Variants in MAN1B1 observed in about 807,000 individuals in gnomAD.
MAN1B1 encodes the protein mannosidase alpha class 1B member 1.
In MAN1B1, 66 loss-of-function variants were observed where a neutral mutation model predicts 75.5. The observed-to-expected ratio is 0.87, with a 90% CI of 0.72 to 1.07. The LOEUF (loss-of-function observed/expected upper bound fraction) is 1.07. Ranked by LOEUF, MAN1B1 falls within the 50% of genes least tolerant of loss-of-function variation. The probability of loss-of-function intolerance (pLI) is 0.00; values close to 1 mark genes in which losing one functional copy is unlikely to be tolerated. For missense variants in MAN1B1, 973 were observed against 912.5 expected (o/e 1.07, Z -0.85); for synonymous variants, 453 against 382.8 (o/e 1.18, Z -2.14).
intron 3 of MAN1B1, chr9:137,094,376 G>A (rs551285145): frequency 1.0e-4 from 50 of 496,398 alleles, no homozygotes; most frequent in Non-Finnish European, 1.7e-4. Context: ...AGTTTGTTCC[G>A]ACCTTCCACT....
rs540947007 is a variant in MAN1B1, at chr9:137,097,989, T to A, written c.730+52T>A. 5 of 1,389,648 alleles carry A rather than the reference T, an allele frequency of 3.6e-6. No homozygotes were observed. In the African/African-American group the frequency reaches 7.1e-5, roughly 20 times the overall value. The allele number at this position is 1,389,648 out of a possible 1,614,324, so 86.1% of individuals were successfully genotyped here. On this transcript the variant is annotated intron_variant, in intron 5 of 12. Transcript: ENST00000371589. The stretch of plus-strand genomic sequence containing the variant: ...CCCCGGGCGCTCAGGGGCTGGTGGC[T>A]GATGGGTGCAGGCTTCGTCTCAGCC...
In MAN1B1 at chr9:137,108,972, C is replaced by T. The variant is rs538314755; in HGVS notation, c.*381C>T. On this transcript the variant is annotated 3_prime_UTR_variant, in exon 13 of 13. Transcript: ENST00000371589. ...AGCTCTGCCCGGGCTCGTGAAGCCTCAGATGTCCCCAATCCAAGGGTCTGG... is the reference window on the plus strand; with the variant it reads ...AGCTCTGCCCGGGCTCGTGAAGCCTTAGATGTCCCCAATCCAAGGGTCTGG... 1 of 469,496 alleles carries T rather than the reference C, an allele frequency of 2.1e-6. No homozygotes were observed. The highest frequency in any genetic ancestry group is 4.2e-6 in the Non-Finnish European group (1 of 235,950). 29.1% of individuals were successfully genotyped at this position (469,496 alleles called of 1,614,324 possible). A position where few individuals can be genotyped will look rare whatever the true frequency, so the allele number is the denominator to read the frequency against.
chr9:137,090,242 G>T (rs1191590200), intron 3 of MAN1B1, among the ~76,000 whole-genome samples: 3 of 152,182 alleles, frequency 2.0e-5, no homozygotes, highest in South Asian at 2.1e-4. Context: ...GGCCCTTAGG[G>T]TGTTAGTTAC....
Position 137,087,022 on chromosome 9 carries a change from GA to G in MAN1B1, c.25del (p.Ser9AlafsTer12), listed in dbSNP as rs1830382481. 4 of 1,601,162 alleles carry G rather than the reference GA, an allele frequency of 2.5e-6. No individual in the cohort carries two copies. Among genetic ancestry groups the G allele is most frequent in the Non-Finnish European group, 3.4e-6 (4 of 1,175,684 alleles). ...GCGATGGCTGCCTGCGAGGGCAGGA[GA>G]AGCGGAGCTCTCGGTTCCTCTCAGT... MAACEGR[R>X]SGALGSSQSD... On this transcript the variant is annotated frameshift_variant, in exon 1 of 13. Transcript: ENST00000371589. LOFTEE classifies it high-confidence loss of function.
At chr9:137,098,912 G>C (rs757928100) in intron 5 of MAN1B1, among the ~76,000 whole-genome samples, 7 of 152,096 alleles carry the variant, frequency 4.6e-5, no homozygotes, top group East Asian at 1.9e-4. Flanking sequence ...TCACTGCAAC[G>C]TCTGCCTTCT....
chr9:137,089,001 C>T lies in MAN1B1; in HGVS notation c.461C>T (p.Ser154Leu), dbSNP rs1356921253. ...TDPENLPEIS[S>L]QKTQRHIQRG... ...CCTGAGAACTTACCTGAGATTTCGT[C>T]ACAGGTACTTTGAGCAAATGGTGTG... The change falls in exon 3 of 13, where the codon TCA (serine) becomes TTA (leucine). Residue 154 changes from serine to leucine, a missense_variant. Transcript: ENST00000371589. 6.2e-7 allele frequency: 1 copy of T among 1,613,872 alleles called. No individual in the cohort carries two copies. The highest frequency in any genetic ancestry group is 8.5e-7 in the Non-Finnish European group (1 of 1,180,010).
intron 8 of MAN1B1, 48 bp from the exon 9 acceptor site, chr9:137,106,077 G>A (rs1468576941): frequency 1.1e-5 from 17 of 1,494,934 alleles, no homozygotes; most frequent in Non-Finnish European, 1.5e-5. Flanking sequence ...AGCTCACCCT[G>A]CAGCTCGGCC....
At position 137,109,071 on chromosome 9, in the gene MAN1B1, C is replaced by T. The variant is rs1457365215; in HGVS notation, c.*480C>T. 2 of 454,622 alleles carry T rather than the reference C, an allele frequency of 4.4e-6. No homozygotes were observed. Among genetic ancestry groups the T allele is most frequent in the Non-Finnish European group, 8.8e-6 (2 of 226,428 alleles). 28.2% of individuals were successfully genotyped at this position (454,622 alleles called of 1,614,324 possible). ...TGTTTACAAGCTGGACTCAGGGATC[C>T]TCCTGGCCGCCCCGCAGGGGGCTTG... On this transcript the variant is annotated 3_prime_UTR_variant, in exon 13 of 13. Transcript: ENST00000371589.
chr9:137,102,194 GTGTTACACGT>G, intron 8 of MAN1B1: 1 of 441,402 alleles, frequency 2.3e-6, no homozygotes, highest in Non-Finnish European at 4.5e-6. Context: ...CAGGTCGGTG[GTGTTACACGT>G]GCTGTTGCAG....
chr9:137,087,089 C>G lies in MAN1B1; in HGVS notation c.90C>G (p.Ala30=), dbSNP rs1588577872. Residue 30 remains alanine (A), a synonymous_variant, in exon 1 of 13, where the codon GCC becomes GCG. Transcript: ENST00000371589. The part of the protein sequence containing the change: ...LTPPVGGAPW[A]VATTVVMYPP... ...CGCCAGTGGGCGGGGCCCCTTGGGCCGTCGCCACCACTGTAGTCATGTACC... is the reference window on the plus strand; with the variant it reads ...CGCCAGTGGGCGGGGCCCCTTGGGCGGTCGCCACCACTGTAGTCATGTACC... 2 of 1,599,338 alleles carry G rather than the reference C, an allele frequency of 1.3e-6. No homozygotes were observed. Among genetic ancestry groups the G allele is most frequent in the Non-Finnish European group, 8.5e-7 (1 of 1,174,928 alleles).
In MAN1B1 at chr9:137,095,389, G is replaced by A. The variant is rs190712223; in HGVS notation, c.466-848G>A. 7.6e-3 allele frequency among the ~76,000 whole-genome samples: 1,154 copies of A among 151,902 alleles called. 8 individuals carry two copies. Among genetic ancestry groups the A allele is most frequent in the African/African-American group, 0.019 (767 of 41,446 alleles). ...TTCCTTTTTTAAAAAAAAAAAAAGT[G>A]GAGCAATCTAAATATCCATCAGTAA... On this transcript the variant is annotated intron_variant, in intron 3 of 12. Coordinates refer to ENST00000371589, the MANE Select transcript of MAN1B1 (RefSeq NM_016219.5).
intron 8 of MAN1B1, chr9:137,102,552 A>G (rs1224565577): frequency 4.5e-6 from 1 of 223,832 alleles, no homozygotes; most frequent in African/African-American, 3.0e-5. Context: ...GTGGTGTTAC[A>G]CACATTCACG....
chr9:137,108,245 G>A, intron 12 of MAN1B1, 143 bp from the exon 13 acceptor site: 1 of 735,318 alleles, frequency 1.4e-6, no homozygotes, highest in Non-Finnish European at 2.4e-6. Flanking sequence ...GCTCGCCTGG[G>A]GGTGGCCATC....
rs1490273591 is a variant in MAN1B1 at position 137,108,633 on chromosome 9, C to T, written c.*42C>T. On this transcript the variant is annotated 3_prime_UTR_variant, in exon 13 of 13. Coordinates refer to ENST00000371589, the MANE Select transcript of MAN1B1 (RefSeq NM_016219.5). ...TGTGGGGACTTCGGGTGGGCAGAGG[C>T]ACCTTGCTGGGTCTGTGGCATTTTC... 1 of 1,586,434 alleles carries T rather than the reference C, an allele frequency of 6.3e-7. No homozygotes were observed. The highest frequency in any genetic ancestry group is 1.3e-5 in the African/African-American group (1 of 74,320).
chr9:137,102,538 G>T, intron 8 of MAN1B1: 1 of 427,496 alleles, frequency 2.3e-6, no homozygotes, highest in South Asian at 1.7e-5. Context: ...AGGCGTGCAG[G>T]TCGGTGGTGT....
At chr9:137,106,862 A>G in intron 10 of MAN1B1, 53 bp downstream of exon 10, 1 of 1,597,930 alleles carries the variant, frequency 6.3e-7, no homozygotes, top group Non-Finnish European at 8.5e-7. Context: ...CTTGGCTTCC[A>G]AGGTGCCTGA....
At chr9:137,097,052 G>C (rs938906028) in intron 4 of MAN1B1, among the ~76,000 whole-genome samples, 9 of 152,242 alleles carry the variant, frequency 5.9e-5, no homozygotes, top group Non-Finnish European at 1.0e-4. Context: ...CGGGCCCAGA[G>C]GCCCTGAACT....
chr9:137,088,932 C>T lies in MAN1B1; in HGVS notation c.392C>T (p.Ala131Val), dbSNP rs1290682701. ...MRPEIAGLKP[A>V]NPPVLPAPQK... is the part of the protein sequence containing the mutation. ...CCAGAAATTGCTGGGTTAAAACCAG[C>T]AAATCCACCCGTCTTACCAGCTCCT... Residue 131 changes from alanine to valine, a missense_variant, in exon 3 of 13, where the codon GCA (alanine) becomes GTA (valine). Ala to Val is a moderately conservative substitution (Grantham distance 64). Coordinates refer to ENST00000371589, the MANE Select transcript of MAN1B1 (RefSeq NM_016219.5). The T allele has an allele frequency of 6.2e-7, 1 of 1,613,946 alleles. No homozygotes were observed. Among genetic ancestry groups the T allele is most frequent in the Admixed American group, 1.7e-5 (1 of 60,024 alleles).
chr9:137,096,397 G>A lies in MAN1B1; in HGVS notation c.620+6G>A. ...CCGCAGAGGACAGTCATCAGGTACAGAGCGCAGGGCAGGCTGCACGCCGCC... is the reference window on the plus strand; with the variant it reads ...CCGCAGAGGACAGTCATCAGGTACAAAGCGCAGGGCAGGCTGCACGCCGCC... On this transcript the variant is annotated splice_donor_region_variant and intron_variant, in intron 4 of 12. Transcript: ENST00000371589. 1 of 1,613,326 alleles carries A rather than the reference G, an allele frequency of 6.2e-7. No individual in the cohort carries two copies. Among genetic ancestry groups the A allele is most frequent in the Non-Finnish European group, 8.5e-7 (1 of 1,179,800 alleles).
Sources: gnomAD v4.1 joint callset for allele counts (sites outside exome capture counted in the v4.1 genomes callset) on GRCh38, gnomAD v4.1.1 for gene constraint, MANE v1.5 for transcripts, NCBI Gene and HGNC (gene_info 2026-07-23, HGNC 2026-07-21) for gene names.